KCNIP1: variants seen among roughly 807,000 people sequenced by gnomAD.
The protein encoded by KCNIP1 is A-type potassium channel modulatory protein KCNIP1.
Under a neutral mutation model 33.0 loss-of-function variants are expected in KCNIP1, and 18 were observed. The observed-to-expected ratio is 0.55, with a 90% CI of 0.38 to 0.81. The LOEUF (loss-of-function observed/expected upper bound fraction) is 0.81, where lower values mean the gene tolerates loss of function less well. KCNIP1 is among the 30% of genes least tolerant of loss of function. The pLI is 0.00. For synonymous variants in KCNIP1, 93 were observed against 98.3 expected (o/e 0.95, Z 0.32); for missense variants, 238 against 271.6 (o/e 0.88, Z 0.87).
In KCNIP1 at chr5:170,430,184, T is replaced by A. The variant is rs377703712; in HGVS notation, c.88+76220T>A. Among the ~76,000 whole-genome samples the A allele has an allele frequency of 3.9e-4, 60 of 152,336 alleles. No individual in the cohort carries two copies. In the South Asian group the frequency reaches 0.012, roughly 32 times the overall value. ...AAGCCTGTGGACAGTAAGCATCTGT[T>A]GGTCTGGATGGTGTGGTGGGCGGAA... On this transcript the variant is annotated intron_variant, in intron 1 of 7. Transcript: ENST00000377360.
chr5:170,612,665 T>C (rs1205556202), intron 1 of KCNIP1, among the ~76,000 whole-genome samples: 1 of 152,190 alleles, frequency 6.6e-6, no homozygotes, highest in African/African-American at 2.4e-5. Context: ...AGTCCCGTTG[T>C]CATGGTGGCA....
rs111821370 is a variant in KCNIP1, at chr5:170,492,961, G to A, written c.88+138997G>A. ...GACGGGGTTTCACCATGCTGGCCAG[G>A]ATGGTATTGATTCCCTGACCTCATG... On this transcript the variant is annotated intron_variant, in intron 1 of 7. Transcript: ENST00000377360. 4.4e-3 allele frequency among the ~76,000 whole-genome samples: 662 copies of A among 152,182 alleles called. 2 individuals carry two copies. Among genetic ancestry groups the A allele is most frequent in the African/African-American group, 0.015 (627 of 41,502 alleles).
At chr5:170,399,225 G>A (rs914510663) in intron 1 of KCNIP1, among the ~76,000 whole-genome samples, 3 of 152,164 alleles carry the variant, frequency 2.0e-5, no homozygotes, top group African/African-American at 7.2e-5. Context: ...TAAGATATCC[G>A]GACATTGTAC....
At position 170,720,362 on chromosome 5, in the gene KCNIP1, G is replaced by A. The variant is rs1186712668; in HGVS notation, c.228G>A (p.Gln76=). ...TGGTCAACGAAGACACATTCAAGCAGATCTATGCTCAGTTTTTCCCTCATG... is the reference window on the plus strand; with the variant it reads ...TGGTCAACGAAGACACATTCAAGCAAATCTATGCTCAGTTTTTCCCTCATG... The part of the protein sequence containing the change: ...SGVVNEDTFK[Q]IYAQFFPHGD... The change falls in exon 3 of 8, where the codon CAG becomes CAA. Residue 76 remains glutamine, a synonymous_variant. Transcript: ENST00000328939. 1 of 1,614,104 alleles carries A rather than the reference G, an allele frequency of 6.2e-7. No homozygotes were observed. The highest frequency in any genetic ancestry group is 1.7e-5 in the Admixed American group (1 of 60,028).
chr5:170,608,077 G>A (rs1045044462), intron 1 of KCNIP1, among the ~76,000 whole-genome samples: 1 of 152,150 alleles, frequency 6.6e-6, no homozygotes, highest in African/African-American at 2.4e-5. Flanking sequence ...AAGAAGGTAG[G>A]CACTAGAACT....
At chr5:170,413,503 T>C (rs1314791101) in intron 1 of KCNIP1, among the ~76,000 whole-genome samples, 4 of 152,222 alleles carry the variant, frequency 2.6e-5, no homozygotes, top group South Asian at 2.1e-4. Context: ...CTCTCCTGGG[T>C]GTGACCTTGC....
chr5:170,482,255 A>G (rs139003083), intron 1 of KCNIP1, among the ~76,000 whole-genome samples: 111 of 152,222 alleles, frequency 7.3e-4, no homozygotes, highest in South Asian at 1.0e-3. Flanking sequence ...ACCTCCATTA[A>G]TCTTCCCCCA....
chr5:170,383,950 T>C, intron 1 of KCNIP1: 3 of 1,262,804 alleles, frequency 2.4e-6, no homozygotes, highest in Non-Finnish European at 3.3e-6. Flanking sequence ...TCTAGAGGGA[T>C]CCAGGACTGG....
intron 5 of KCNIP1, among the ~76,000 whole-genome samples, chr5:170,727,400 A>T (rs984316582): frequency 1.3e-5 from 2 of 152,204 alleles, no homozygotes; most frequent in Non-Finnish European, 2.9e-5. Context: ...GGGTGGATAC[A>T]TTTGTCAACA....
At chr5:170,635,913 TGGCAGTGGCA>T (rs1350432758) in intron 1 of KCNIP1, among the ~76,000 whole-genome samples, 2 of 152,102 alleles carry the variant, frequency 1.3e-5, no homozygotes, top group Non-Finnish European at 2.9e-5. Flanking sequence ...GAGGTGCAGG[TGGCAGTGGCA>T]GGCAGTGGCC....
chr5:170,375,538 C>T (rs536741654), intron 1 of KCNIP1: 1 of 151,390 alleles, frequency 6.6e-6, no homozygotes, highest in African/African-American at 2.5e-5. Flanking sequence ...CTGTGTCCCT[C>T]AGCCCTTCAC....
At chr5:170,667,448 G>T (rs968786907) in intron 1 of KCNIP1, among the ~76,000 whole-genome samples, 2 of 152,246 alleles carry the variant, frequency 1.3e-5, no homozygotes, top group Non-Finnish European at 2.9e-5. Flanking sequence ...ATTTGCACAA[G>T]CAAACTGCCT....
At position 170,489,380 on chromosome 5, in the gene KCNIP1, C is replaced by T. The variant is rs956433352; in HGVS notation, c.88+135416C>T. ...CCGCTAGACTTTGGCCAGGGCTGTC[C>T]TGCAGGTAAGGGCCTCGTGCAGGAG... is the stretch of plus-strand genomic sequence containing the variant. On this transcript the variant is annotated intron_variant, in intron 1 of 7. Transcript: ENST00000377360. This position sits in a 1 kb window ranked among gnomAD's most constrained non-coding sequence, Gnocchi z 4.3. Among the ~76,000 whole-genome samples, 11 of 152,220 alleles carry T rather than the reference C, an allele frequency of 7.2e-5. No individual in the cohort carries two copies. The highest frequency in any genetic ancestry group is 2.7e-4 in the African/African-American group (11 of 41,464).
chr5:170,417,590 C>A (rs1326174646), intron 1 of KCNIP1, among the ~76,000 whole-genome samples: 2 of 152,208 alleles, frequency 1.3e-5, no homozygotes, highest in Non-Finnish European at 2.9e-5. Context: ...TCTGACCCTG[C>A]AAAACCCTCT....
At chr5:170,457,314 G>GGCC (rs1756405507) in intron 1 of KCNIP1, among the ~76,000 whole-genome samples, 1 of 152,074 alleles carries the variant, frequency 6.6e-6, no homozygotes, top group African/African-American at 2.4e-5. Context: ...AAACTGCAGG[G>GGCC]GCCACCACCA....
intron 1 of KCNIP1, among the ~76,000 whole-genome samples, chr5:170,518,122 G>A (rs1755219076): frequency 2.0e-5 from 3 of 151,056 alleles, no homozygotes. Context: ...TGGTGATGGT[G>A]GCAGTGGTGA....
chr5:170,507,313 C>CTACTTAAA (rs1754758493), intron 1 of KCNIP1, among the ~76,000 whole-genome samples: 1 of 152,204 alleles, frequency 6.6e-6, no homozygotes, highest in African/African-American at 2.4e-5. Flanking sequence ...GTAGTAGTTA[C>CTACTTAAA]CATCTTAAAA....
chr5:170,504,177 G>A lies in KCNIP1; in HGVS notation c.-396G>A, dbSNP rs1170908931. Reference sequence around the variant, plus strand: ...AGGGGAGCCGAGTGTGCGGCAGGAGGGGCGGGCGGACGGCGGCTCCCGCAC... The same window carrying A: ...AGGGGAGCCGAGTGTGCGGCAGGAGAGGCGGGCGGACGGCGGCTCCCGCAC... On this transcript the variant is annotated 5_prime_UTR_variant, in exon 1 of 8. Coordinates refer to ENST00000328939, the MANE Select transcript of KCNIP1 (RefSeq NM_014592.4). The surrounding 1 kb of genome is among the most constrained non-coding windows in gnomAD (Gnocchi z 6.0). The A allele has an allele frequency of 9.9e-7, 1 of 1,013,242 alleles. No individual in the cohort carries two copies. Among genetic ancestry groups the A allele is most frequent in the Middle Eastern group, 4.8e-4 (1 of 2,082 alleles). The allele number at this position is 1,013,242 out of a possible 1,614,324, so 62.8% of individuals were successfully genotyped here.
intron 5 of KCNIP1, among the ~76,000 whole-genome samples, chr5:170,724,711 A>G (rs1763949164): frequency 2.0e-5 from 3 of 152,228 alleles, no homozygotes; most frequent in Admixed American, 1.3e-4. Context: ...AGAAAATTAA[A>G]TTAAGAAAAA....
Sources: allele counts gnomAD v4.1 joint callset (sites outside exome capture counted in the v4.1 genomes callset), GRCh38; gene constraint gnomAD v4.1.1; non-coding constraint Gnocchi (gnomAD v3.1); transcripts MANE v1.5; gene names NCBI Gene and HGNC (gene_info 2026-07-23, HGNC 2026-07-21).